The following NWD1 variants were observed in gnomAD, a reference collection of about 807,000 sequenced individuals.
NWD1 encodes the protein NACHT and WD repeat domain containing 1.
Under a neutral mutation model 135.1 loss-of-function variants are expected in NWD1, and 129 were observed. That is an observed-to-expected ratio of 0.96 (90% CI 0.83 to 1.11). The LOEUF (loss-of-function observed/expected upper bound fraction) is 1.11. Among genes scored for constraint, NWD1 ranks in the 50% least tolerant of loss-of-function variants. The probability of loss-of-function intolerance (pLI) is 0.00; values close to 1 mark genes in which losing one functional copy is unlikely to be tolerated. For synonymous variants in NWD1, 773 were observed against 786.0 expected (o/e 0.98, Z 0.28); for missense variants, 1,740 against 1,851.3 (o/e 0.94, Z 1.10).
rs1171481537 is a variant in NWD1, at chr19:16,750,096, A to G, written c.1454A>G (p.Asp485Gly). The G allele has an allele frequency of 6.2e-7, 1 of 1,613,792 alleles. No homozygotes were observed. The highest frequency in any genetic ancestry group is 1.3e-5 in the African/African-American group (1 of 74,886). The change falls in exon 6 of 19, where the codon GAC becomes GGC. Residue 485 changes from aspartate (D) to glycine (G), a missense_variant. Asp to Gly is a moderately conservative substitution (Grantham distance 94). Transcript: ENST00000524140. Reference sequence around the variant, plus strand: ...GACACCTTGCAGCGGGTGCTCCTGGACCCGGAGGCCTACTGGGAGGTGAAG... The same window carrying G: ...GACACCTTGCAGCGGGTGCTCCTGGGCCCGGAGGCCTACTGGGAGGTGAAG... ...VLDTLQRVLL[D>G]PEAYWEVKPL... is the part of the protein sequence containing the mutation.
rs1226559723 is a variant in NWD1, at chr19:16,773,214, GGCCCAGA to G, written c.2502_2508del (p.Gln835GlyfsTer48). On this transcript the variant is annotated frameshift_variant, in exon 11 of 19. Coordinates refer to ENST00000524140, the MANE Select transcript of NWD1 (RefSeq NM_001007525.5). LOFTEE classifies it high-confidence loss of function. The stretch of plus-strand genomic sequence containing the variant: ...CACTGGTGGGACAGCTATGCCAACA[GGCCCAGA>G]GCTGGTTCCAGTTGTGCGCACACCC... The G allele has an allele frequency of 6.2e-7, 1 of 1,613,696 alleles. No homozygotes were observed. The highest frequency in any genetic ancestry group is 8.5e-7 in the Non-Finnish European group (1 of 1,180,020).
intron 1 of NWD1, among the ~76,000 whole-genome samples, chr19:16,720,720 A>AT (rs1446615825): frequency 2.0e-5 from 3 of 151,926 alleles, no homozygotes; most frequent in Admixed American, 2.0e-4. Flanking sequence ...TGCCCGGCTA[A>AT]TTTTTTGTAT....
At chr19:16,741,527 G>A (rs1237998018) in intron 4 of NWD1, among the ~76,000 whole-genome samples, 4 of 151,458 alleles carry the variant, frequency 2.6e-5, no homozygotes, top group Non-Finnish European at 5.9e-5. Flanking sequence ...CACCATGCCC[G>A]GCTAATTATT....
chr19:16,814,002 T>A (rs917853078), intron 18 of NWD1, among the ~76,000 whole-genome samples: 7 of 150,704 alleles, frequency 4.6e-5, no homozygotes, highest in Admixed American at 2.0e-4. Flanking sequence ...AAAAAAAAAA[T>A]TAAAAATTAT....
rs371297297 is a variant in NWD1, at chr19:16,750,183, C to A, written c.1541C>A (p.Thr514Lys). 6.2e-7 allele frequency: 1 copy of A among 1,613,216 alleles called. No homozygotes were observed. The highest frequency in any genetic ancestry group is 1.3e-5 in the African/African-American group (1 of 74,930). ...IQLLLAAARR[T>K]LSPVHTDLLW... ...CTCCTGCTGGCAGCTGCAAGGAGGA[C>A]GCTGAGCCCGGTGCACACAGATTTG... The change falls in exon 6 of 19, where the codon ACG becomes AAG. Residue 514 changes from threonine to lysine, a missense_variant. Transcript: ENST00000524140.
chr19:16,744,505 A>G lies in NWD1; in HGVS notation c.283A>G (p.Thr95Ala). 6.5e-7 allele frequency: 1 copy of G among 1,536,002 alleles called. No individual in the cohort carries two copies. The highest frequency in any genetic ancestry group is 8.7e-7 in the Non-Finnish European group (1 of 1,146,862). The change falls in exon 5 of 19, where the codon ACT becomes GCT. Residue 95 changes from threonine to alanine, a missense_variant. Coordinates refer to ENST00000524140, the MANE Select transcript of NWD1 (RefSeq NM_001007525.5). ...KEWEVLRDHLTARPSDLELVA... is the reference protein window; with the variant it reads ...KEWEVLRDHLAARPSDLELVA... ...GTGGGAGGTATTGAGGGACCATCTG[A>G]CTGCCAGGCCAAGTGACCTGGAGCT...
At chr19:16,751,565 C>T (rs1968580881) in intron 6 of NWD1, among the ~76,000 whole-genome samples, 1 of 149,948 alleles carries the variant, frequency 6.7e-6, no homozygotes, top group Admixed American at 6.7e-5. Context: ...CTTTGGGAGG[C>T]CAAGGCAGGT....
chr19:16,736,096 G>A (rs1166877193), intron 3 of NWD1, among the ~76,000 whole-genome samples: 3 of 151,654 alleles, frequency 2.0e-5, no homozygotes, highest in South Asian at 4.1e-4. Context: ...ATTGCATTTC[G>A]TTGTCTTATT....
intron 17 of NWD1, among the ~76,000 whole-genome samples, chr19:16,802,463 TAAAAAAA>T (rs1165843521): frequency 2.3e-4 from 22 of 96,484 alleles, no homozygotes; most frequent in African/African-American, 4.1e-4. Flanking sequence ...CTATCTCAAT[TAAAAAAA>T]AAAAAAAAAA....
chr19:16,767,088 G>C (rs2122915715), intron 10 of NWD1, among the ~76,000 whole-genome samples: 1 of 151,366 alleles, frequency 6.6e-6, no homozygotes, highest in East Asian at 2.0e-4. Context: ...AAGGAAAGAG[G>C]TTTAATTGAC....
At chr19:16,796,321 G>A (rs537186056) in intron 15 of NWD1, among the ~76,000 whole-genome samples, 1 of 152,186 alleles carries the variant, frequency 6.6e-6, no homozygotes, top group South Asian at 2.1e-4. Context: ...AATTAACTGG[G>A]CATGGTGGCA....
intron 6 of NWD1, among the ~76,000 whole-genome samples, chr19:16,754,693 A>C (rs570045035): frequency 4.7e-5 from 7 of 148,882 alleles, no homozygotes; most frequent in Non-Finnish European, 1.0e-4. Flanking sequence ...CCATCCATCC[A>C]TCATCTCTAG....
chr19:16,755,811 T>A (rs1968771633), intron 6 of NWD1, among the ~76,000 whole-genome samples: 1 of 152,092 alleles, frequency 6.6e-6, no homozygotes, highest in Non-Finnish European at 1.5e-5. Context: ...GTGCTGGGAT[T>A]ACAGGCGTGA....
intron 4 of NWD1, among the ~76,000 whole-genome samples, chr19:16,737,108 G>A (rs1967853223): frequency 6.6e-6 from 1 of 151,942 alleles, no homozygotes; most frequent in Admixed American, 6.6e-5. Context: ...AAACCCACAG[G>A]GTCTTGGGAT....
chr19:16,743,680 G>GTTTGTTTATTTA (rs369618174), intron 4 of NWD1, among the ~76,000 whole-genome samples: 163 of 151,588 alleles, frequency 1.1e-3, no homozygotes, highest in African/African-American at 3.8e-3. Context: ...TTATTAGTTT[G>GTTTGTTTATTTA]TTTATTTATT....
At chr19:16,748,604 GC>G (rs1042793817) in intron 5 of NWD1, among the ~76,000 whole-genome samples, 4 of 151,954 alleles carry the variant, frequency 2.6e-5, no homozygotes, top group African/African-American at 9.7e-5. Flanking sequence ...AGGTTGAATT[GC>G]TTGAGCTCAG....
chr19:16,744,822 A>G, intron 5 of NWD1, 104 bp downstream of exon 5: 1 of 989,912 alleles, frequency 1.0e-6, no homozygotes, highest in Non-Finnish European at 1.5e-6. Flanking sequence ...CATTTCTTGC[A>G]AATGCCAAAC....
Position 16,779,790 on chromosome 19 carries a change from C to G in NWD1, c.2731+325C>G, listed in dbSNP as rs905999120. Among the ~76,000 whole-genome samples the G allele has an allele frequency of 2.0e-5, 3 of 152,086 alleles. No homozygotes were observed. The East Asian group carries it at 5.8e-4, about 29-fold the overall frequency. The stretch of plus-strand genomic sequence containing the variant: ...TAGCTGGGACTACAAGCACATACCA[C>G]TATACCCAGCTAATTTTTTAATGTT... On this transcript the variant is annotated intron_variant, in intron 12 of 18. Coordinates refer to ENST00000524140, the MANE Select transcript of NWD1 (RefSeq NM_001007525.5).
At chr19:16,741,018 G>T (rs1469947545) in intron 4 of NWD1, among the ~76,000 whole-genome samples, 1 of 152,158 alleles carries the variant, frequency 6.6e-6, no homozygotes, top group East Asian at 1.9e-4. Flanking sequence ...AAATTAGCCA[G>T]CTGTGGTCGT....
Sources: gnomAD v4.1 joint callset for allele counts (sites outside exome capture counted in the v4.1 genomes callset) on GRCh38, gnomAD v4.1.1 for gene constraint, MANE v1.5 for transcripts, NCBI Gene and HGNC (gene_info 2026-07-23, HGNC 2026-07-21) for gene names.